Variants in CNTNAP3B observed in about 807,000 individuals in gnomAD.
CNTNAP3B encodes the protein contactin associated protein family member 3B, also known as contactin-associated protein-like 3B.
Under a neutral mutation model 108.9 loss-of-function variants are expected in CNTNAP3B, and 25 were observed. That is an observed-to-expected ratio of 0.23 (90% CI 0.17 to 0.32). The LOEUF is 0.32. CNTNAP3B is among the 10% of genes least tolerant of loss of function. The pLI, the probability that CNTNAP3B is intolerant of heterozygous loss-of-function variation, is 1.00. For missense variants in CNTNAP3B, 252 were observed against 1,210.4 expected (o/e 0.21, Z 11.75); for synonymous variants, 103 against 473.4 (o/e 0.22, Z 10.16).
Position 41,996,278 on chromosome 9 carries a change from A to G in CNTNAP3B, c.998T>C (p.Leu333Ser), listed in dbSNP as rs776888614. ...CACTCCATTATAATAAAGATTTTCT[A>G]AACACCCATGAAAGCTTTTACGTGT... ...AFTRKSFHGC[L>S]ENLYYNGVDV... Residue 333 changes from leucine (L) to serine (S), a missense_variant, in exon 7 of 24, where the codon TTA becomes TCA. Coordinates refer to ENST00000377561, the MANE Select transcript of CNTNAP3B (RefSeq NM_001201380.3). 8 of 1,538,046 alleles carry G rather than the reference A, an allele frequency of 5.2e-6. No individual in the cohort carries two copies. The highest frequency in any genetic ancestry group is 7.0e-6 in the Non-Finnish European group (8 of 1,136,042).
chr9:41,939,137 G>A (rs1824251552), intron 13 of CNTNAP3B, among the ~76,000 whole-genome samples: 1 of 152,284 alleles, frequency 6.6e-6, no homozygotes, highest in South Asian at 2.1e-4. Flanking sequence ...GCCAGGGGTT[G>A]GGAGTGAAGA....
intron 17 of CNTNAP3B, among the ~76,000 whole-genome samples, chr9:41,921,381 A>G (rs1350348718): frequency 6.6e-6 from 1 of 152,034 alleles, no homozygotes; most frequent in Non-Finnish European, 1.5e-5. Flanking sequence ...GCCTGAAGCT[A>G]GGTTTTAGGA....
At chr9:41,939,366 A>T (rs1206953974) in intron 13 of CNTNAP3B, among the ~76,000 whole-genome samples, 1 of 152,310 alleles carries the variant, frequency 6.6e-6, no homozygotes, top group Non-Finnish European at 1.5e-5. Flanking sequence ...GGTTGTTACC[A>T]TTGGAATATG....
intron 3 of CNTNAP3B, among the ~76,000 whole-genome samples, chr9:42,044,687 G>C (rs1399895830): frequency 1.6e-4 from 23 of 147,724 alleles, no homozygotes; most frequent in Admixed American, 8.1e-4. Flanking sequence ...AACTAGAAAA[G>C]ACTACGTTGG....
intron 12 of CNTNAP3B, chr9:41,960,002 T>C (rs1825019689): frequency 6.7e-6 from 1 of 150,368 alleles, no homozygotes; most frequent in Admixed American, 6.6e-5. Context: ...TTTCCTTTTT[T>C]TTTTTTTTTT....
At chr9:41,935,048 A>G (rs1824114736) in intron 14 of CNTNAP3B, among the ~76,000 whole-genome samples, 1 of 152,176 alleles carries the variant, frequency 6.6e-6, no homozygotes, top group African/African-American at 2.4e-5. Context: ...TATATTTTAG[A>G]GAATATATTG....
intron 2 of CNTNAP3B, among the ~76,000 whole-genome samples, chr9:42,098,664 C>G (rs1319182088): frequency 1.0e-5 from 1 of 95,832 alleles, no homozygotes; most frequent in African/African-American, 4.0e-5. Flanking sequence ...GCATGGAAAA[C>G]AACCCACCAA....
chr9:41,925,158 C>A (rs1424680827), intron 15 of CNTNAP3B, among the ~76,000 whole-genome samples: 1 of 150,230 alleles, frequency 6.7e-6, no homozygotes, highest in Admixed American at 6.6e-5. Context: ...ACAACTTTAC[C>A]CAGTTTAAAA....
rs559201941 is a variant in CNTNAP3B, at chr9:42,038,445, C to A, written c.391-24920G>T. 8.8e-5 allele frequency among the ~76,000 whole-genome samples: 8 copies of A among 91,340 alleles called. 2 individuals carry two copies. In the South Asian group the frequency reaches 2.6e-3, roughly 30 times the overall value. 59.9% of individuals were successfully genotyped at this position (91,340 alleles called of 152,430 possible). ...AAGGGATGGAGGAAGATCTGCCAAGCAATGGAAAATAAAAAAAAAGCAGGG... is the reference window on the plus strand; with the variant it reads ...AAGGGATGGAGGAAGATCTGCCAAGAAATGGAAAATAAAAAAAAAGCAGGG... On this transcript the variant is annotated intron_variant, in intron 3 of 23. Transcript: ENST00000377561.
chr9:42,096,337 G>T (rs1209823302), intron 2 of CNTNAP3B, among the ~76,000 whole-genome samples: 39 of 140,242 alleles, frequency 2.8e-4, no homozygotes, highest in Non-Finnish European at 3.2e-4. Context: ...CCTGCTGAGG[G>T]TTCCTAGTCT....
intron 12 of CNTNAP3B, among the ~76,000 whole-genome samples, chr9:41,958,592 T>C (rs1407229809): frequency 1.3e-5 from 2 of 151,828 alleles, no homozygotes; most frequent in Non-Finnish European, 2.9e-5. Context: ...GCCTCTGGGC[T>C]GTGACCTTCA....
intron 12 of CNTNAP3B, among the ~76,000 whole-genome samples, chr9:41,954,251 A>T (rs1390240546): frequency 2.0e-5 from 3 of 152,278 alleles, no homozygotes; most frequent in Admixed American, 6.5e-5. Context: ...TTTTTTAAGA[A>T]CTACGAAACA....
intron 1 of CNTNAP3B, among the ~76,000 whole-genome samples, chr9:42,128,578 G>C (rs1375447425): frequency 7.6e-6 from 1 of 132,090 alleles, no homozygotes; most frequent in South Asian, 2.5e-4. Flanking sequence ...TGCCAAGGTC[G>C]GCAAAACTGT....
rs1421466823 is a variant in CNTNAP3B, at chr9:41,937,337, G to A, written c.2237+907C>T. ...AGACGGGGTTTCGCCACATTGGCCA[G>A]GCTGGTCTCAACCTTCTGACCTCAG... On this transcript the variant is annotated intron_variant, in intron 14 of 23. Coordinates refer to ENST00000377561, the MANE Select transcript of CNTNAP3B (RefSeq NM_001201380.3). 6.9e-4 allele frequency among the ~76,000 whole-genome samples: 105 copies of A among 151,978 alleles called. No individual in the cohort carries two copies. In the East Asian group the frequency reaches 0.017, roughly 25 times the overall value.
intron 14 of CNTNAP3B, among the ~76,000 whole-genome samples, chr9:41,933,492 G>A (rs1338314726): frequency 1.3e-5 from 2 of 152,224 alleles, no homozygotes; most frequent in South Asian, 4.1e-4. Flanking sequence ...TTCCATAAAA[G>A]TACTGCAGTT....
At chr9:42,058,272 T>A (rs538389995) in intron 3 of CNTNAP3B, among the ~76,000 whole-genome samples, 1 of 152,152 alleles carries the variant, frequency 6.6e-6, no homozygotes, top group African/African-American at 2.4e-5. Flanking sequence ...TATTTTTGAT[T>A]TTTTGAGGAA....
intron 11 of CNTNAP3B, among the ~76,000 whole-genome samples, chr9:41,962,824 G>A (rs1383640974): frequency 2.6e-5 from 4 of 152,268 alleles, no homozygotes; most frequent in South Asian, 2.1e-4. Context: ...GCGTGGTGGC[G>A]GGCGCCTGTA....
At chr9:41,930,743 A>G (rs1194296399) in intron 14 of CNTNAP3B, among the ~76,000 whole-genome samples, 3 of 152,286 alleles carry the variant, frequency 2.0e-5, no homozygotes, top group Admixed American at 2.0e-4. Flanking sequence ...TCCAATACAA[A>G]GAGACCTGGA....
At chr9:42,077,395 G>A (rs1194817781) in intron 2 of CNTNAP3B, among the ~76,000 whole-genome samples, 1 of 136,294 alleles carries the variant, frequency 7.3e-6, no homozygotes, top group African/African-American at 2.9e-5. Context: ...CAACATAAGA[G>A]ACTAAATTCC....
Sources: gnomAD v4.1 joint callset for allele counts (sites outside exome capture counted in the v4.1 genomes callset) on GRCh38, gnomAD v4.1.1 for gene constraint, MANE v1.5 for transcripts, NCBI Gene and HGNC (gene_info 2026-07-23, HGNC 2026-07-21) for gene names.